Variants in HOMER2 observed in about 807,000 individuals in gnomAD.
HOMER2 encodes the protein homer scaffold protein 2.
Under a neutral mutation model 47.0 loss-of-function variants are expected in HOMER2, and 27 were observed. That is an observed-to-expected ratio of 0.57 (90% CI 0.42 to 0.79). The LOEUF (loss-of-function observed/expected upper bound fraction) is 0.79, where lower values mean the gene tolerates loss of function less well. HOMER2 is among the 30% of genes least tolerant of loss of function. The probability of loss-of-function intolerance (pLI) is 0.00; values close to 1 mark genes in which losing one functional copy is unlikely to be tolerated. For synonymous variants in HOMER2, 161 were observed against 163.8 expected (o/e 0.98, Z 0.13); for missense variants, 443 against 435.0 (o/e 1.02, Z -0.16).
At chr15:82,896,891 C>T (rs559053094) in intron 1 of HOMER2, among the ~76,000 whole-genome samples, 2 of 152,162 alleles carry the variant, frequency 1.3e-5, no homozygotes, top group East Asian at 1.9e-4. Flanking sequence ...AAGAAAAGCT[C>T]GTAGCTGACC....
intron 1 of HOMER2, among the ~76,000 whole-genome samples, chr15:82,973,683 A>G (rs2030092550): frequency 6.6e-6 from 1 of 152,220 alleles, no homozygotes. Flanking sequence ...CATAGTTCAT[A>G]AAATCATTAT....
chr15:82,969,524 G>T (rs767113591), intron 1 of HOMER2, among the ~76,000 whole-genome samples: 1 of 152,038 alleles, frequency 6.6e-6, no homozygotes, highest in Admixed American at 6.6e-5. Context: ...CTCTTTCTTC[G>T]TCCTCTAAGC....
intron 1 of HOMER2, among the ~76,000 whole-genome samples, chr15:82,946,023 G>T (rs2054372902): frequency 6.6e-6 from 1 of 151,842 alleles, no homozygotes; most frequent in African/African-American, 2.4e-5. Flanking sequence ...ACAAAACAAG[G>T]GTAGGGCCAT....
intron 1 of HOMER2, among the ~76,000 whole-genome samples, chr15:82,973,268 C>T (rs2030072747): frequency 6.6e-6 from 1 of 152,192 alleles, no homozygotes; most frequent in African/African-American, 2.4e-5. Context: ...ATATGTTTTT[C>T]TGTAGGTTCC....
chr15:82,908,563 T>G (rs1250167395), intron 1 of HOMER2, among the ~76,000 whole-genome samples: 2 of 152,196 alleles, frequency 1.3e-5, no homozygotes, highest in African/African-American at 4.8e-5. Flanking sequence ...ACCCATCTGC[T>G]TTTTGTTCTT....
intron 1 of HOMER2, among the ~76,000 whole-genome samples, chr15:82,974,108 A>G (rs922140910): frequency 6.6e-6 from 1 of 151,628 alleles, no homozygotes; most frequent in African/African-American, 2.4e-5. Context: ...TTCCCACTTA[A>G]AAATACTAAA....
intron 3 of HOMER2, among the ~76,000 whole-genome samples, chr15:82,865,625 C>T (rs1352258306): frequency 1.3e-5 from 2 of 152,008 alleles, no homozygotes; most frequent in Non-Finnish European, 2.9e-5. Flanking sequence ...TAGGATAAGC[C>T]CTATGATATG....
chr15:82,974,835 C>A (rs886273084), intron 1 of HOMER2, among the ~76,000 whole-genome samples: 1 of 151,996 alleles, frequency 6.6e-6, no homozygotes, highest in African/African-American at 2.4e-5. Context: ...TTCGGGAGGC[C>A]GAGGCAGGTG....
intron 1 of HOMER2, among the ~76,000 whole-genome samples, chr15:82,911,271 C>T (rs988623205): frequency 2.0e-5 from 3 of 152,122 alleles, no homozygotes; most frequent in African/African-American, 7.2e-5. Flanking sequence ...ACTTAGAAGT[C>T]TAGGACTTGT....
At chr15:82,955,501 C>A (rs1264731836), upstream of HOMER2, among the ~76,000 whole-genome samples, 2 of 152,198 alleles carry the variant, frequency 1.3e-5, no homozygotes, top group East Asian at 3.8e-4. Flanking sequence ...AAATTAGGCT[C>A]ACCATGTACA....
At chr15:82,844,800 T>C (rs1269020794), downstream of HOMER2, 1 of 152,234 alleles carries the variant, frequency 6.6e-6, no homozygotes, top group Non-Finnish European at 1.5e-5. Flanking sequence ...TTCTTGCCTG[T>C]CACATCATAA....
intron 2 of HOMER2, among the ~76,000 whole-genome samples, chr15:82,876,122 G>A (rs1177199684): frequency 1.3e-5 from 2 of 152,166 alleles, no homozygotes; most frequent in Non-Finnish European, 2.9e-5. Context: ...AACCTCACAG[G>A]AGTGGGGAAC....
In HOMER2 at chr15:82,854,711, G is replaced by T. The variant is rs2051510513; in HGVS notation, c.584C>A (p.Ala195Asp). Residue 195 changes from alanine (A) to aspartate (D), a missense_variant, in exon 6 of 9, where the codon GCC becomes GAC. Ala to Asp is a moderately radical substitution (Grantham distance 126). Coordinates refer to ENST00000450735, the MANE Select transcript of HOMER2 (RefSeq NM_004839.4). The stretch of plus-strand genomic sequence containing the variant: ...CTGCCTCTTCCACTGCTCCACACTG[G>T]CTGCCGACTCCTGCAGTGCTGTGGT... ...RLTTALQESA[A>D]SVEQWKRQFS... The T allele has an allele frequency of 6.2e-7, 1 of 1,612,918 alleles. No homozygotes were observed.
intron 1 of HOMER2, among the ~76,000 whole-genome samples, chr15:82,962,315 A>G (rs920277652): frequency 1.4e-5 from 2 of 145,664 alleles, no homozygotes; most frequent in African/African-American, 5.1e-5. Flanking sequence ...CAGTGAGCTG[A>G]GATTGCGCCA....
At chr15:82,880,153 T>TA (rs1205554481) in intron 2 of HOMER2, among the ~76,000 whole-genome samples, 1 of 152,226 alleles carries the variant, frequency 6.6e-6, no homozygotes, top group Non-Finnish European at 1.5e-5. Context: ...TTTTTGTAAT[T>TA]AAAGTTTTAT....
chr15:82,925,940 C>T (rs1196176985), intron 1 of HOMER2: 1 of 152,118 alleles, frequency 6.6e-6, no homozygotes, highest in Non-Finnish European at 1.5e-5. Context: ...TCCCTCTCTC[C>T]TACACTAATC....
chr15:82,965,875 G>A (rs1237060365), intron 1 of HOMER2, among the ~76,000 whole-genome samples: 1 of 151,808 alleles, frequency 6.6e-6, no homozygotes, highest in South Asian at 2.1e-4. Flanking sequence ...TGGGAGGATC[G>A]CTTGAGCCCA....
chr15:82,963,291 T>C lies in HOMER2; in HGVS notation n.83-3983A>G, dbSNP rs557492301. On this transcript the variant is annotated intron_variant and non_coding_transcript_variant, in intron 1 of 1. Transcript: ENST00000500334. ...TTTTTGTAGATATGGGATCTCCCTATGTTGCCCACGATGGTCTCAAACACC... is the reference window on the plus strand; with the variant it reads ...TTTTTGTAGATATGGGATCTCCCTACGTTGCCCACGATGGTCTCAAACACC... 1.3e-4 allele frequency among the ~76,000 whole-genome samples: 20 copies of C among 152,172 alleles called. No homozygotes were observed. The South Asian group carries it at 3.1e-3, about 24-fold the overall frequency.
At position 82,913,276 on chromosome 15, in the gene HOMER2, C is replaced by T. The variant is rs991016369; in HGVS notation, c.6-20435G>A. 7.2e-5 allele frequency among the ~76,000 whole-genome samples: 11 copies of T among 152,170 alleles called. No individual in the cohort carries two copies. Among genetic ancestry groups the T allele is most frequent in the African/African-American group, 2.4e-4 (10 of 41,432 alleles). On this transcript the variant is annotated intron_variant, in intron 1 of 8. Transcript: ENST00000450735. The surrounding 1 kb of genome is among the most constrained non-coding windows in gnomAD (Gnocchi z 4.1). ...GGCAGCCACCAGTGCCCAAGGAGAACATCCACTTTTCTTACTTTGCCTCCA... is the reference window on the plus strand; with the variant it reads ...GGCAGCCACCAGTGCCCAAGGAGAATATCCACTTTTCTTACTTTGCCTCCA...
Sources: gnomAD v4.1 joint callset for allele counts (sites outside exome capture counted in the v4.1 genomes callset) on GRCh38, gnomAD v4.1.1 for gene constraint, Gnocchi (gnomAD v3.1) non-coding constraint, MANE v1.5 for transcripts, NCBI Gene and HGNC (gene_info 2026-07-23, HGNC 2026-07-21) for gene names.